The following ANGPT1 variants were observed in gnomAD, a reference collection of about 807,000 sequenced individuals.
The protein encoded by ANGPT1 is angiopoietin-1.
In ANGPT1, 17 loss-of-function variants were observed where a neutral mutation model predicts 62.2. The ratio of observed to expected loss-of-function variants is 0.27; its 90% CI spans 0.19 to 0.41. The LOEUF is 0.41. Among genes scored for constraint, ANGPT1 ranks in the 10% least tolerant of loss-of-function variants. ANGPT1 has a pLI of 1.00. For missense variants in ANGPT1, 478 were observed against 594.9 expected (o/e 0.80, Z 2.04); for synonymous variants, 199 against 198.9 (o/e 1.00, Z 0.00).
At chr8:107,371,523 T>C (rs564704539) in intron 1 of ANGPT1, among the ~76,000 whole-genome samples, 6 of 151,584 alleles carry the variant, frequency 4.0e-5, no homozygotes, top group African/African-American at 1.5e-4. Context: ...GTTGGCAAAA[T>C]TGGGCACCAT....
rs752787463 is a variant in ANGPT1, at chr8:107,497,459, T to C, written c.100A>G (p.Asn34Asp). ...GCACATTGCCCATGTTGAATCCGGT[T>C]ATATCTTCTCCCACTGTTTTCTGGA... is the stretch of plus-strand genomic sequence containing the variant. ...RSPENSGRRY[N>D]RIQHGQCAYT... The change falls in exon 1 of 9, where the codon AAC (asparagine) becomes GAC (aspartate). Residue 34 changes from asparagine (N) to aspartate (D), a missense_variant. By Grantham distance (23) the Asn-to-Asp change is conservative (BLOSUM62 1). Coordinates refer to ENST00000517746, the MANE Select transcript of ANGPT1 (RefSeq NM_001146.5). 29 of 1,614,062 alleles carry C rather than the reference T, an allele frequency of 1.8e-5. No individual in the cohort carries two copies. The highest frequency in any genetic ancestry group is 1.7e-6 in the Non-Finnish European group (2 of 1,180,032).
chr8:107,317,234 CT>C (rs1368023024), intron 4 of ANGPT1, among the ~76,000 whole-genome samples: 1 of 152,190 alleles, frequency 6.6e-6, no homozygotes, highest in Non-Finnish European at 1.5e-5. Flanking sequence ...TGAAATACAT[CT>C]TTTCTTCTTC....
At chr8:107,400,313 A>G (rs1222899439) in intron 1 of ANGPT1, among the ~76,000 whole-genome samples, 1 of 152,214 alleles carries the variant, frequency 6.6e-6, no homozygotes, top group African/African-American at 2.4e-5. Context: ...ACGTTCCATA[A>G]CAACAAGATG....
intron 1 of ANGPT1, among the ~76,000 whole-genome samples, chr8:107,439,064 A>G (rs1199186194): frequency 6.6e-6 from 1 of 152,216 alleles, no homozygotes; most frequent in Non-Finnish European, 1.5e-5. Flanking sequence ...TATACTTTTT[A>G]TGCTAGTGAA....
chr8:107,428,089 C>T (rs752527513), intron 1 of ANGPT1, among the ~76,000 whole-genome samples: 7 of 152,214 alleles, frequency 4.6e-5, no homozygotes, highest in Non-Finnish European at 7.4e-5. Context: ...TCCATATGGC[C>T]TTTCATGTGA....
chr8:107,319,086 A>G (rs1299128694), intron 4 of ANGPT1, among the ~76,000 whole-genome samples: 1 of 152,220 alleles, frequency 6.6e-6, no homozygotes, highest in Non-Finnish European at 1.5e-5. Context: ...AATCTTGTCC[A>G]TCGAAGGAGA....
intron 1 of ANGPT1, among the ~76,000 whole-genome samples, chr8:107,421,579 A>C (rs1181826080): frequency 6.6e-6 from 1 of 152,154 alleles, no homozygotes; most frequent in African/African-American, 2.4e-5. Context: ...CTTCCCCATC[A>C]CAAGTATACA....
intron 1 of ANGPT1, among the ~76,000 whole-genome samples, chr8:107,435,532 G>T (rs1463085354): frequency 1.3e-5 from 2 of 152,180 alleles, no homozygotes; most frequent in Admixed American, 1.3e-4. Context: ...GTCATGTGTT[G>T]GCTGAGAAAC....
At chr8:107,496,269 C>A (rs1239606590) in intron 1 of ANGPT1, among the ~76,000 whole-genome samples, 1 of 152,150 alleles carries the variant, frequency 6.6e-6, no homozygotes, top group Non-Finnish European at 1.5e-5. Flanking sequence ...TATACTTATT[C>A]TCGGCTGCCT....
At chr8:107,388,791 T>C (rs1015622389) in intron 1 of ANGPT1, among the ~76,000 whole-genome samples, 8 of 152,144 alleles carry the variant, frequency 5.3e-5, no homozygotes, top group African/African-American at 1.7e-4. Context: ...TGTGTTATTT[T>C]CCTGCTGCTA....
intron 1 of ANGPT1, among the ~76,000 whole-genome samples, chr8:107,370,593 C>G (rs1038955477): frequency 6.7e-6 from 1 of 149,546 alleles, no homozygotes; most frequent in Non-Finnish European, 1.5e-5. Flanking sequence ...ATCCCAGCTA[C>G]TCAGGAGGCT....
chr8:107,303,118 GA>G (rs1563558954), intron 5 of ANGPT1, 121 bp downstream of exon 5: 1 of 1,165,206 alleles, frequency 8.6e-7, no homozygotes, highest in Non-Finnish European at 1.2e-6. Flanking sequence ...ATCTCTGGGA[GA>G]AAAAAGTTCA....
At chr8:107,420,934 C>A (rs1477975415) in intron 1 of ANGPT1, among the ~76,000 whole-genome samples, 2 of 151,990 alleles carry the variant, frequency 1.3e-5, no homozygotes, top group African/African-American at 4.8e-5. Flanking sequence ...TTCACTAATA[C>A]TCCTGCTAAC....
intron 3 of ANGPT1, among the ~76,000 whole-genome samples, chr8:107,334,865 G>T (rs1479934813): frequency 6.6e-6 from 1 of 152,112 alleles, no homozygotes; most frequent in Non-Finnish European, 1.5e-5. Flanking sequence ...TGCAATAAGG[G>T]TCAAGTCCTG....
intron 1 of ANGPT1, among the ~76,000 whole-genome samples, chr8:107,442,190 T>A (rs565310717): frequency 6.6e-6 from 1 of 152,186 alleles, no homozygotes; most frequent in African/African-American, 2.4e-5. Flanking sequence ...ATGTTTCACA[T>A]ATGCTCATGC....
chr8:107,418,195 T>C (rs1280234066), intron 1 of ANGPT1, among the ~76,000 whole-genome samples: 1 of 152,174 alleles, frequency 6.6e-6, no homozygotes, highest in Non-Finnish European at 1.5e-5. Context: ...CAGTGAAAAT[T>C]ATTGTATTAA....
At chr8:107,483,572 A>T (rs1398623014) in intron 1 of ANGPT1, among the ~76,000 whole-genome samples, 1 of 152,044 alleles carries the variant, frequency 6.6e-6, no homozygotes, top group East Asian at 1.9e-4. Flanking sequence ...ATACTGATGA[A>T]CTTTTAAAAA....
chr8:107,321,942 C>G lies in ANGPT1; in HGVS notation c.762G>C (p.Leu254=), dbSNP rs1815159422. Residue 254 remains leucine, a synonymous_variant, in exon 4 of 9, where the codon CTG becomes CTC. Transcript: ENST00000517746. ...TGACAAGGTTGTGGACTGTGTCCAT[C>G]AGCTCCAGTTGCTGCTTCTGAAGGA... The part of the protein sequence containing the change: ...NSVLQKQQLE[L]MDTVHNLVNL... 6.2e-7 allele frequency: 1 copy of G among 1,613,874 alleles called. No homozygotes were observed.
chr8:107,417,440 C>T (rs1810782655), intron 1 of ANGPT1, among the ~76,000 whole-genome samples: 1 of 152,150 alleles, frequency 6.6e-6, no homozygotes, highest in South Asian at 2.1e-4. Context: ...AAAAGGGCAA[C>T]ATTAGCATTT....
Sources: gnomAD v4.1 joint callset for allele counts (sites outside exome capture counted in the v4.1 genomes callset) on GRCh38, gnomAD v4.1.1 for gene constraint, MANE v1.5 for transcripts, NCBI Gene and HGNC (gene_info 2026-07-23, HGNC 2026-07-21) for gene names.